PPP4R3A: variants seen among roughly 807,000 people sequenced by gnomAD.
PPP4R3A encodes the protein serine/threonine-protein phosphatase 4 regulatory subunit 3A.
A neutral mutation model predicts 91.7 loss-of-function variants in PPP4R3A; 15 were observed. That is an observed-to-expected ratio of 0.16 (90% CI 0.11 to 0.25). The LOEUF (loss-of-function observed/expected upper bound fraction) is 0.25, where lower values mean the gene tolerates loss of function less well. Ranked by LOEUF, PPP4R3A falls within the 10% of genes least tolerant of loss-of-function variation. The pLI, the probability that PPP4R3A is intolerant of heterozygous loss-of-function variation, is 1.00. For synonymous variants in PPP4R3A, 377 were observed against 348.7 expected (o/e 1.08, Z -0.91); for missense variants, 623 against 998.4 (o/e 0.62, Z 5.07).
chr14:91,467,501 G>A (rs1451345707), intron 10 of PPP4R3A, among the ~76,000 whole-genome samples: 1 of 152,072 alleles, frequency 6.6e-6, no homozygotes, highest in African/African-American at 2.4e-5. Context: ...ATAAATTTGT[G>A]ACTTTTTACC....
chr14:91,470,027 T>C (rs192020186), intron 10 of PPP4R3A, among the ~76,000 whole-genome samples: 8 of 152,190 alleles, frequency 5.3e-5, no homozygotes, highest in Admixed American at 5.2e-4. Context: ...CTCTAATTAG[T>C]GCATGACTAT....
chr14:91,491,676 ATTACAGGCG>A lies in PPP4R3A; in HGVS notation c.143-883_143-875del, dbSNP rs538740689. 7.9e-3 allele frequency among the ~76,000 whole-genome samples: 1,203 copies of A among 152,338 alleles called. 24 individuals carry two copies. Among genetic ancestry groups the A allele is most frequent in the African/African-American group, 0.027 (1,138 of 41,584 alleles). On this transcript the variant is annotated intron_variant, in intron 1 of 14. Coordinates refer to ENST00000554943, the MANE Select transcript of PPP4R3A (RefSeq NM_001366432.2). ...AGCCTTGGCCTCCCAAAGTGCTGGG[ATTACAGGCG>A]TGAGCCACCACGCCTGGCCTAGAAA...
At chr14:91,509,353 T>C (rs2140183408) in intron 1 of PPP4R3A, among the ~76,000 whole-genome samples, 153 bp downstream of exon 1, 1 of 152,312 alleles carries the variant, frequency 6.6e-6, no homozygotes, top group Admixed American at 6.5e-5. Context: ...CCCGCAAGAC[T>C]GGGGTACCTG....
intron 11 of PPP4R3A, among the ~76,000 whole-genome samples, chr14:91,463,239 A>G (rs569807251): frequency 6.6e-6 from 1 of 151,970 alleles, no homozygotes; most frequent in East Asian, 1.9e-4. Context: ...CTAATTTTGT[A>G]TTTTTAGTAG....
At chr14:91,485,096 G>C (rs960955066) in intron 3 of PPP4R3A, among the ~76,000 whole-genome samples, 5 of 152,208 alleles carry the variant, frequency 3.3e-5, no homozygotes, top group African/African-American at 9.7e-5. Context: ...TTTTTAAAAA[G>C]ATCACCTAAT....
chr14:91,495,328 GT>G (rs1555437580), intron 1 of PPP4R3A, among the ~76,000 whole-genome samples: 1 of 150,788 alleles, frequency 6.6e-6, no homozygotes, highest in African/African-American at 2.4e-5. Flanking sequence ...GTGTGTGTAT[GT>G]TTTTTTTTAG....
At position 91,461,588 on chromosome 14, in the gene PPP4R3A, C is replaced by G. The variant is rs1232926138; in HGVS notation, c.2184G>C (p.Lys728Asn). ...AAAGGTTTGTTTTCAGAAGCACTTCCTTTTCCTCACTTTCTTTTACTAAAA... is the reference window on the plus strand; with the variant it reads ...AAAGGTTTGTTTTCAGAAGCACTTCGTTTTCCTCACTTTCTTTTACTAAAA... ...ERKKLKESEE[K>N]EVLLKTNLSG... Residue 728 changes from lysine to asparagine, a missense_variant, in exon 14 of 15, where the codon AAG becomes AAC. Around this residue, in one of 5 missense-constraint regions of PPP4R3A, gnomAD observed 201 missense variants for 229.9 expected, o/e 0.87. Coordinates refer to ENST00000554943, the MANE Select transcript of PPP4R3A (RefSeq NM_001366432.2). The G allele has an allele frequency of 6.2e-7, 1 of 1,613,844 alleles. No homozygotes were observed. The highest frequency in any genetic ancestry group is 1.7e-5 in the Admixed American group (1 of 59,970).
rs182640556 is a variant in PPP4R3A, at chr14:91,476,862, G to A, written c.993+47C>T. The A allele has an allele frequency of 1.1e-4, 165 of 1,490,136 alleles. 2 individuals carry two copies. The highest frequency in any genetic ancestry group is 1.0e-3 in the Admixed American group (52 of 50,014). The allele number at this position is 1,490,136 out of a possible 1,614,324, so 92.3% of individuals were successfully genotyped here. On this transcript the variant is annotated intron_variant, in intron 5 of 14. Coordinates refer to ENST00000554943, the MANE Select transcript of PPP4R3A (RefSeq NM_001366432.2). ...TTTACAGGCGTGAGCCACCAAGCCC[G>A]GCCAGTTGTTTTATTTTTATGCCTT...
chr14:91,508,981 G>C (rs1268410636), intron 1 of PPP4R3A, among the ~76,000 whole-genome samples: 1 of 152,200 alleles, frequency 6.6e-6, no homozygotes, highest in African/African-American at 2.4e-5. Flanking sequence ...GCCAGATACA[G>C]TGTTGCCAAG....
Position 91,474,930 on chromosome 14 carries a change from A to ATTTTTTATTT in PPP4R3A, c.1266+880_1266+881insAAATAAAAAA, listed in dbSNP as rs1478729891. Reference sequence around the variant, plus strand: ...CCTGCACTATAAAAATAAAAACTTAAACATAGCAGTTACATGGCATTCCAT... The same window carrying ATTTTTTATTT: ...CCTGCACTATAAAAATAAAAACTTAATTTTTTATTTACATAGCAGTTACATGGCATTCCAT... On this transcript the variant is annotated intron_variant, in intron 7 of 14. Transcript: ENST00000554943. 3.9e-5 allele frequency: 6 copies of ATTTTTTATTT among 152,368 alleles called. No individual in the cohort carries two copies. The South Asian group carries it at 1.2e-3, about 32-fold the overall frequency. The allele number at this position is 152,368 out of a possible 1,614,324, so 9.4% of individuals were successfully genotyped here. A position where few individuals can be genotyped will look rare whatever the true frequency, so the allele number is the denominator to read the frequency against.
intron 1 of PPP4R3A, among the ~76,000 whole-genome samples, chr14:91,494,954 CA>C (rs1890450795): frequency 6.6e-6 from 1 of 152,076 alleles, no homozygotes; most frequent in African/African-American, 2.4e-5. Context: ...CAAGCGGTGA[CA>C]AGGCTGTAGA....
intron 7 of PPP4R3A, 141 bp downstream of exon 7, chr14:91,475,670 C>T (rs775333418): frequency 1.4e-6 from 1 of 729,114 alleles, no homozygotes; most frequent in Non-Finnish European, 2.1e-6. Flanking sequence ...AGACAGGAAC[C>T]AATTTAGGGG....
chr14:91,460,729 T>TCCTGCCTCAGCCTC (rs1485604998), intron 14 of PPP4R3A, among the ~76,000 whole-genome samples: 2 of 145,106 alleles, frequency 1.4e-5, no homozygotes, highest in Admixed American at 1.4e-4. Context: ...CATGCCATTC[T>TCCTGCCTCAGCCTC]CCTGCCTCAG....
At chr14:91,468,724 C>T (rs1422152438) in intron 10 of PPP4R3A, among the ~76,000 whole-genome samples, 1 of 118,146 alleles carries the variant, frequency 8.5e-6, no homozygotes, top group East Asian at 2.9e-4. Flanking sequence ...TATACTTTGT[C>T]CACATGCCAC....
chr14:91,504,325 T>TA (rs35776205), intron 1 of PPP4R3A, among the ~76,000 whole-genome samples: 25,592 of 114,896 alleles, frequency 0.22, 2,635 homozygotes, highest in East Asian at 0.45. Context: ...TCTTAAAAAT[T>TA]AAAAAAAAAA....
chr14:91,468,631 G>GCA (rs1888627298), intron 10 of PPP4R3A, among the ~76,000 whole-genome samples: 1 of 110,118 alleles, frequency 9.1e-6, no homozygotes, highest in Non-Finnish European at 1.6e-5. Flanking sequence ...TCGTACCACT[G>GCA]CACTCCAGCC....
At chr14:91,501,483 A>T (rs757118485) in intron 1 of PPP4R3A, among the ~76,000 whole-genome samples, 2 of 152,100 alleles carry the variant, frequency 1.3e-5, no homozygotes, top group Non-Finnish European at 2.9e-5. Flanking sequence ...AGGTGACCCC[A>T]TCTCTACAAA....
In PPP4R3A at chr14:91,470,866, A is replaced by G. The variant is rs766278446; in HGVS notation, c.1631T>C (p.Met544Thr). Residue 544 changes from methionine (M) to threonine (T), a missense_variant, in exon 10 of 15, where the codon ATG (methionine) becomes ACG (threonine). Met to Thr is a moderately conservative substitution (Grantham distance 81). This residue lies in a region of PPP4R3A where 87 missense variants were observed against 233.9 expected (regional missense o/e 0.37). Coordinates refer to ENST00000554943, the MANE Select transcript of PPP4R3A (RefSeq NM_001366432.2). ...KDILRRVLVL[M>T]ASKHAFLALC... ...TGCCAAGAAAGCATGCTTCGAGGCC[A>G]TAAGAACTAGCACTCTCCGGAGGAT... 66 of 1,610,770 alleles carry G rather than the reference A, an allele frequency of 4.1e-5. No individual in the cohort carries two copies. The highest frequency in any genetic ancestry group is 5.4e-5 in the Non-Finnish European group (64 of 1,179,380).
At position 91,485,700 on chromosome 14, in the gene PPP4R3A, T is replaced by G; in HGVS notation, c.229A>C (p.Asn77His). The change falls in exon 3 of 15, where the codon AAT (asparagine) becomes CAT (histidine). Residue 77 changes from asparagine (N) to histidine (H), a missense_variant. By Grantham distance (68) the Asn-to-His change is moderately conservative. Around this residue, in one of 5 missense-constraint regions of PPP4R3A, gnomAD observed 20 missense variants for 75.6 expected, o/e 0.26. Coordinates refer to ENST00000554943, the MANE Select transcript of PPP4R3A (RefSeq NM_001366432.2). ...DTLIVWSEAE[N>H]YDLALSFQEK... ...TGAAAGCTAAGGGCCAAGTCATAATTTTCTGCTTCAGACCACACAATCAGA... is the reference window on the plus strand; with the variant it reads ...TGAAAGCTAAGGGCCAAGTCATAATGTTCTGCTTCAGACCACACAATCAGA... The G allele has an allele frequency of 6.2e-7, 1 of 1,607,040 alleles. No homozygotes were observed. The highest frequency in any genetic ancestry group is 8.5e-7 in the Non-Finnish European group (1 of 1,179,840).
Sources: allele counts gnomAD v4.1 joint callset (sites outside exome capture counted in the v4.1 genomes callset), GRCh38; gene constraint gnomAD v4.1.1; regional missense constraint gnomAD v4.1.1; transcripts MANE v1.5; gene names NCBI Gene and HGNC (gene_info 2026-07-23, HGNC 2026-07-21).